OGG1: variants seen among roughly 807,000 people sequenced by gnomAD.
OGG1 encodes the protein N-glycosylase/DNA lyase.
In OGG1, 35 loss-of-function variants were observed where a neutral mutation model predicts 42.3. The ratio of observed to expected loss-of-function variants is 0.83; its 90% confidence interval spans 0.63 to 1.10. The LOEUF (loss-of-function observed/expected upper bound fraction) is 1.10, where lower values mean the gene tolerates loss of function less well. OGG1 is among the 50% of genes least tolerant of loss of function. The probability of loss-of-function intolerance (pLI) is 0.00; values close to 1 mark genes in which losing one functional copy is unlikely to be tolerated. For missense variants in OGG1, 484 were observed against 446.7 expected (o/e 1.08, Z -0.75); for synonymous variants, 189 against 179.0 (o/e 1.06, Z -0.44).
chr3:9,759,552 T>G (rs1157416401), downstream of OGG1: 1 of 1,614,160 alleles, frequency 6.2e-7, no homozygotes, highest in Non-Finnish European at 8.5e-7. Context: ...GATATTCTTA[T>G]CTAGAGCTGT....
downstream of OGG1, among the ~76,000 whole-genome samples, chr3:9,768,691 A>G (rs565622950): frequency 2.6e-5 from 4 of 152,252 alleles, no homozygotes; most frequent in South Asian, 2.1e-4. Context: ...CAGCCTCCCA[A>G]CCCATCCACA....
rs183132631 is a variant in OGG1, at chr3:9,764,462, G to A, written c.1049-1347G>A. ...CAAGTAGCTGGGATTACAGGCATGCGCCACCATGTCCAGCTAATTTTGTAT... is the reference window on the plus strand; with the variant it reads ...CAAGTAGCTGGGATTACAGGCATGCACCACCATGTCCAGCTAATTTTGTAT... On this transcript the variant is annotated intron_variant, in intron 7 of 7. Coordinates refer to the OGG1 transcript ENST00000302008. Among the ~76,000 whole-genome samples the A allele has an allele frequency of 3.8e-3, 577 of 152,110 alleles. 3 individuals are homozygous for A. The highest frequency in any genetic ancestry group is 0.013 in the African/African-American group (555 of 41,480).
At chr3:9,764,000 A>G (rs2078018661) in intron 7 of OGG1, among the ~76,000 whole-genome samples, 1 of 152,038 alleles carries the variant, frequency 6.6e-6, no homozygotes, top group African/African-American at 2.4e-5. Flanking sequence ...AAAAATATAT[A>G]TATATAGTTT....
chr3:9,751,810 CTCTTT>C lies in OGG1; in HGVS notation c.428_432del (p.Ser143TyrfsTer30). ...GACAAGACCCCATCGAATGCCTTTT[CTCTTT>C]TATCTGTTCCTCCAACAACAACATC... On this transcript the variant is annotated frameshift_variant, in exon 3 of 7. Transcript: ENST00000344629. LOFTEE classifies it high-confidence loss of function. 6.2e-7 allele frequency: 1 copy of C among 1,614,206 alleles called. No individual in the cohort carries two copies. The highest frequency in any genetic ancestry group is 1.1e-5 in the South Asian group (1 of 91,086).
rs187973962 is a variant in OGG1 at position 9,774,793 on chromosome 3, G to A, written c.295-6720G>A. ...GGAATGAGTAGTCCTACATTCTGGT[G>A]GGAAAATGATTTGCTAAAGATCCTT... On this transcript the variant is annotated intron_variant, in intron 2 of 3. Coordinates refer to the OGG1 transcript ENST00000426518. Among the ~76,000 whole-genome samples the A allele has an allele frequency of 2.3e-3, 347 of 152,244 alleles. 3 individuals are homozygous for A. Among genetic ancestry groups the A allele is most frequent in the Non-Finnish European group, 3.6e-3 (243 of 68,022 alleles).
At chr3:9,766,303 C>T (rs2078149489) in exon 8 of OGG1, 2 of 698,654 alleles carry the variant, frequency 2.9e-6, no homozygotes, top group African/African-American at 3.5e-5. Flanking sequence ...CCTCTGGATC[C>T]AGCCATGCCT....
chr3:9,754,606 G>T (rs955525119), intron 3 of OGG1, 98 bp from the exon 4 acceptor site: 43 of 1,364,264 alleles, frequency 3.2e-5, no homozygotes, highest in Non-Finnish European at 4.0e-5. Flanking sequence ...GGGAACTTAG[G>T]AAAAGCACTC....
Position 9,757,138 on chromosome 3 carries a change from G to T in OGG1, c.1026G>T (p.Gly342=), listed in dbSNP as rs944385694. ...PPAKRRKGSK[G]PEG Reference sequence around the variant, plus strand: ...CAAAGCGCAGAAAGGGTTCCAAAGGGCCGGAAGGCTAGATGGGGCACCCTG... The same window carrying T: ...CAAAGCGCAGAAAGGGTTCCAAAGGTCCGGAAGGCTAGATGGGGCACCCTG... The change falls in exon 7 of 7, where the codon GGG becomes GGT. Residue 342 remains glycine (G), a synonymous_variant. Transcript: ENST00000344629. The surrounding 1 kb of genome is among the most constrained non-coding windows in gnomAD (Gnocchi z 4.5). 1.9e-6 allele frequency: 3 copies of T among 1,614,008 alleles called. No homozygotes were observed. Among genetic ancestry groups the T allele is most frequent in the African/African-American group, 2.7e-5 (2 of 74,922 alleles).
At chr3:9,766,155 C>G (rs755172552) in exon 8 of OGG1, 2 of 977,938 alleles carry the variant, frequency 2.0e-6, no homozygotes, top group Non-Finnish European at 3.2e-6. Context: ...TCCTGTTGAG[C>G]TGGTAGGATG....
At chr3:9,769,107 C>T (rs2125600668), downstream of OGG1, among the ~76,000 whole-genome samples, 1 of 152,140 alleles carries the variant, frequency 6.6e-6, no homozygotes, top group Non-Finnish European at 1.5e-5. Flanking sequence ...CAGACATCAG[C>T]ACACATGTCC....
intron 4 of OGG1, 37 bp downstream of exon 4, chr3:9,754,922 GAC>G (rs749167883): frequency 6.6e-7 from 1 of 1,526,350 alleles, no homozygotes; most frequent in South Asian, 1.2e-5. Flanking sequence ...CCTCTCTACT[GAC>G]ACTAAGAGGA....
chr3:9,774,326 T>G (rs2078337500), intron 2 of OGG1, among the ~76,000 whole-genome samples: 1 of 149,912 alleles, frequency 6.7e-6, no homozygotes, highest in Admixed American at 6.7e-5. Flanking sequence ...GGAGAATCAC[T>G]TGAACCTGGT....
chr3:9,764,639 T>G lies in OGG1; in HGVS notation c.1049-1170T>G, dbSNP rs1287837809. ...TTTGTTTTTTTTTTGTTTTTTTTTTTTTTTTTGAGATGGAGTTTTGCTCTT... is the reference window on the plus strand; with the variant it reads ...TTTGTTTTTTTTTTGTTTTTTTTTTGTTTTTTGAGATGGAGTTTTGCTCTT... On this transcript the variant is annotated intron_variant, in intron 7 of 7. Transcript: ENST00000302008. Among the ~76,000 whole-genome samples the G allele has an allele frequency of 5.4e-5, 8 of 148,586 alleles. 1 individual carries two copies. Among genetic ancestry groups the G allele is most frequent in the Admixed American group, 2.0e-4 (3 of 14,888 alleles).
rs35023365 is a variant in OGG1, at chr3:9,773,630, C to CTT, written c.295-7870_295-7869dup. Among the ~76,000 whole-genome samples the CTT allele has an allele frequency of 4.0e-3, 572 of 143,150 alleles. 3 individuals are homozygous for CTT. The highest frequency in any genetic ancestry group is 7.3e-3 in the Middle Eastern group (2 of 274). The allele number at this position is 143,150 out of a possible 152,430, so 93.9% of individuals were successfully genotyped here. On this transcript the variant is annotated intron_variant, in intron 2 of 3. Coordinates refer to the OGG1 transcript ENST00000426518. ...GGGAAAAGGGGGATGATCTTTTCTT[C>CTT]TTTTTTTTTTTTTTGAATGGCTAAA... is the stretch of plus-strand genomic sequence containing the variant.
intron 2 of OGG1, among the ~76,000 whole-genome samples, chr3:9,777,417 G>A (rs952483588): frequency 2.6e-5 from 4 of 152,214 alleles, no homozygotes; most frequent in African/African-American, 9.6e-5. Context: ...CAGGGATGGT[G>A]CTACCTGGGG....
downstream of OGG1, chr3:9,789,717 T>G: frequency 6.2e-7 from 1 of 1,612,788 alleles, no homozygotes; most frequent in Non-Finnish European, 8.5e-7. Flanking sequence ...CAGAACCTGT[T>G]GGGGGCATCA....
At position 9,756,420 on chromosome 3, in the gene OGG1, TG is replaced by T. The variant is rs1559688332; in HGVS notation, c.748-49del. ...GGCTTTGGGGCTATAAGCAAGATGC[TG>T]GCCACATGCTGCCCTTCTTCCACAA... On this transcript the variant is annotated intron_variant, in intron 4 of 6. Coordinates refer to ENST00000344629, the MANE Select transcript of OGG1 (RefSeq NM_002542.6). The T allele has an allele frequency of 3.1e-6, 5 of 1,605,862 alleles. No individual in the cohort carries two copies. In the South Asian group the frequency reaches 4.4e-5, roughly 14 times the overall value.
chr3:9,767,550 A>G (rs967610805), downstream of OGG1: 13 of 1,326,640 alleles, frequency 9.8e-6, no homozygotes, highest in Admixed American at 1.9e-5. Flanking sequence ...GGCCCTAGAT[A>G]GTGCTGCCAC....
intron 2 of OGG1, 77 bp from the exon 3 acceptor site, chr3:9,751,693 G>A: frequency 7.2e-7 from 1 of 1,390,428 alleles, no homozygotes; most frequent in Non-Finnish European, 1.0e-6. Flanking sequence ...TTGGTACCTA[G>A]GATCTGACCT....
Sources: gnomAD v4.1 joint callset for allele counts (sites outside exome capture counted in the v4.1 genomes callset) on GRCh38, gnomAD v4.1.1 for gene constraint, Gnocchi (gnomAD v3.1) non-coding constraint, MANE v1.5 for transcripts, NCBI Gene and HGNC (gene_info 2026-07-23, HGNC 2026-07-21) for gene names.